CACNA1A: variants seen among roughly 807,000 people sequenced by gnomAD.
The protein encoded by CACNA1A is calcium voltage-gated channel subunit alpha1 A.
A neutral mutation model predicts 262.4 loss-of-function variants in CACNA1A; 57 were observed. The ratio of observed to expected loss-of-function variants is 0.22; its 90% CI spans 0.18 to 0.27. The LOEUF is 0.27. Ranked by LOEUF, CACNA1A falls within the 10% of genes least tolerant of loss-of-function variation. CACNA1A has a pLI of 1.00. For missense variants in CACNA1A, 2,526 were observed against 3,562.8 expected (o/e 0.71, Z 7.41); for synonymous variants, 1,431 against 1,419.3 (o/e 1.01, Z -0.18).
At chr19:13,210,909 G>A (rs545985636) in intron 43 of CACNA1A, 2 of 567,456 alleles carry the variant, frequency 3.5e-6, no homozygotes, top group South Asian at 4.4e-5. Context: ...AGGAGATGCA[G>A]ACAGACAAAT....
At chr19:13,307,721 C>T in intron 15 of CACNA1A, 61 bp downstream of exon 15, 1 of 1,399,124 alleles carries the variant, frequency 7.1e-7, no homozygotes, top group Non-Finnish European at 1.0e-6. Flanking sequence ...GGATGTGGAG[C>T]AGGCACTTTC....
chr19:13,429,167 TACACACACACAC>T (rs56218610), intron 3 of CACNA1A, among the ~76,000 whole-genome samples: 5 of 141,236 alleles, frequency 3.5e-5, no homozygotes, highest in Admixed American at 7.3e-5. Flanking sequence ...TCACTGTGCG[TACACACACACAC>T]ACACACACAC....
At chr19:13,302,593 A>G (rs2144973769) in intron 17 of CACNA1A, among the ~76,000 whole-genome samples, 1 of 152,344 alleles carries the variant, frequency 6.6e-6, no homozygotes, top group African/African-American at 2.4e-5. Flanking sequence ...CTCCCAGGAG[A>G]TAAACGAACT....
intron 19 of CACNA1A, among the ~76,000 whole-genome samples, chr19:13,288,775 G>T (rs1213478058): frequency 5.3e-5 from 8 of 152,064 alleles, no homozygotes; most frequent in Non-Finnish European, 1.2e-4. Flanking sequence ...AATCTATCTA[G>T]AAAGAATAAA....
intron 19 of CACNA1A, among the ~76,000 whole-genome samples, chr19:13,291,929 T>C (rs998623426): frequency 1.3e-5 from 2 of 152,202 alleles, no homozygotes; most frequent in African/African-American, 4.8e-5. Context: ...TCTCTCTTCC[T>C]GTTCCTTTTG....
intron 19 of CACNA1A, among the ~76,000 whole-genome samples, chr19:13,298,275 C>A (rs970255536): frequency 1.3e-5 from 2 of 151,458 alleles, no homozygotes; most frequent in African/African-American, 4.9e-5. Context: ...GGGCTACAGG[C>A]GCCTGCCACC....
Position 13,414,056 on chromosome 19 carries a change from T to C in CACNA1A, c.539+38820A>G, listed in dbSNP as rs138825864. On this transcript the variant is annotated intron_variant, in intron 3 of 46. Coordinates refer to ENST00000360228, the MANE Select transcript of CACNA1A (RefSeq NM_001127222.2). ...CTGGGCAACATAGTGGGACCCCATC[T>C]CTACAAAAAATACAAAAATTAGCCA... Among the ~76,000 whole-genome samples the C allele has an allele frequency of 9.9e-4, 151 of 151,964 alleles. 2 individuals carry two copies. Among genetic ancestry groups the C allele is most frequent in the African/African-American group, 3.5e-3 (144 of 41,466 alleles).
chr19:13,345,167 T>G (rs1391399740), intron 6 of CACNA1A, among the ~76,000 whole-genome samples: 1 of 152,152 alleles, frequency 6.6e-6, no homozygotes, highest in Non-Finnish European at 1.5e-5. Context: ...ATGGTCGCAT[T>G]AGCCAAGTCT....
intron 3 of CACNA1A, among the ~76,000 whole-genome samples, chr19:13,390,726 TAA>T (rs1369058254): frequency 2.0e-5 from 3 of 152,140 alleles, no homozygotes; most frequent in African/African-American, 7.2e-5. Context: ...TTATAAATAT[TAA>T]CTCATTCAAA....
intron 1 of CACNA1A, among the ~76,000 whole-genome samples, chr19:13,490,025 G>A (rs751575812): frequency 3.7e-4 from 57 of 152,100 alleles, no homozygotes; most frequent in Non-Finnish European, 7.1e-4. Flanking sequence ...CACCAGGGCG[G>A]GGATTTTTGT....
chr19:13,259,312 C>CTATTT (rs2056659065), intron 27 of CACNA1A: 1 of 52,196 alleles, frequency 1.9e-5, no homozygotes, highest in African/African-American at 1.3e-4. Context: ...TGCCTGGCAG[C>CTATTT]TTTTTTTTTT....
intron 3 of CACNA1A, among the ~76,000 whole-genome samples, chr19:13,427,279 C>T (rs553335482): frequency 6.6e-6 from 1 of 151,966 alleles, no homozygotes; most frequent in African/African-American, 2.4e-5. Context: ...TGGAGAAACC[C>T]CGTCTCTACT....
At chr19:13,255,871 T>C (rs2056550765) in intron 28 of CACNA1A, among the ~76,000 whole-genome samples, 1 of 139,706 alleles carries the variant, frequency 7.2e-6, no homozygotes, top group South Asian at 2.4e-4. Flanking sequence ...CTTTCTCTCT[T>C]CTTCCTTCTT....
chr19:13,464,829 T>G (rs539528516), intron 1 of CACNA1A, among the ~76,000 whole-genome samples: 4 of 152,166 alleles, frequency 2.6e-5, no homozygotes, highest in South Asian at 4.2e-4. Context: ...ATTACAGGCG[T>G]GAGCCACTGC....
intron 26 of CACNA1A, chr19:13,260,335 T>G (rs1166471904): frequency 7.4e-6 from 1 of 135,660 alleles, no homozygotes; most frequent in Admixed American, 7.4e-5. Context: ...TATATATATT[T>G]TTGTTGTTGT....
chr19:13,268,177 A>C (rs2056913164), intron 24 of CACNA1A, among the ~76,000 whole-genome samples: 1 of 152,154 alleles, frequency 6.6e-6, no homozygotes. Flanking sequence ...GGGGGTCAGC[A>C]AAGAGTTCTG....
chr19:13,432,812 T>C (rs1469435348), intron 3 of CACNA1A, among the ~76,000 whole-genome samples: 1 of 152,132 alleles, frequency 6.6e-6, no homozygotes, highest in African/African-American at 2.4e-5. Context: ...TGTAAACATA[T>C]ATCAGAACAT....
rs779631503 is a variant in CACNA1A, at chr19:13,207,408, A to G, written c.7426T>C (p.Tyr2476His). Residue 2476 changes from tyrosine (Y) to histidine (H), a missense_variant, in exon 47 of 47, where the codon TAC becomes CAC. By Grantham distance (83) the Tyr-to-His change is moderately conservative. This residue lies in a region of CACNA1A where 929 missense variants were observed against 868.1 expected (regional missense o/e 1.07). Transcript: ENST00000360228. The surrounding 1 kb of genome is among the most constrained non-coding windows in gnomAD (Gnocchi z 5.7). The part of the protein sequence containing the change: ...SRHGRRLPNG[Y>H]YPAHGLARPR... ...CTGGCCAGTCCGTGCGCCGGGTAGT[A>G]GCCGTTGGGGAGTCGCCGGCCGTGC... 2.1e-4 allele frequency: 327 copies of G among 1,534,082 alleles called. No individual in the cohort carries two copies. The highest frequency in any genetic ancestry group is 2.7e-4 in the Non-Finnish European group (308 of 1,145,964).
intron 29 of CACNA1A, among the ~76,000 whole-genome samples, chr19:13,253,906 A>G (rs2056471739): frequency 6.6e-6 from 1 of 151,472 alleles, no homozygotes; most frequent in Non-Finnish European, 1.5e-5. Context: ...CGCCCAGCTA[A>G]TTTTTGTATT....
Sources: allele counts gnomAD v4.1 joint callset (sites outside exome capture counted in the v4.1 genomes callset), GRCh38; gene constraint gnomAD v4.1.1; regional missense constraint gnomAD v4.1.1; non-coding constraint Gnocchi (gnomAD v3.1); transcripts MANE v1.5; gene names NCBI Gene and HGNC (gene_info 2026-07-23, HGNC 2026-07-21).